TMEM108: variants seen among roughly 807,000 people sequenced by gnomAD.
The protein encoded by TMEM108 is cancer/testis antigen 124.
TMEM108 carries 12 observed loss-of-function variants against 35.1 expected under a neutral mutation model. The ratio of observed to expected loss-of-function variants is 0.34; its 90% CI spans 0.22 to 0.55. TMEM108 has a LOEUF of 0.55. Among genes scored for constraint, TMEM108 ranks in the 20% least tolerant of loss-of-function variants. The probability of loss-of-function intolerance (pLI) is 0.89; values close to 1 mark genes in which losing one functional copy is unlikely to be tolerated. For missense variants in TMEM108, 680 were observed against 753.3 expected, an observed-to-expected ratio of 0.90 and a Z score of 1.14; for synonymous variants, 287 against 308.6, an observed-to-expected ratio of 0.93 and a Z score of 0.73.
intron 3 of TMEM108, among the ~76,000 whole-genome samples, chr3:133,297,071 A>T (rs577120017): frequency 6.6e-6 from 1 of 152,344 alleles, no homozygotes; most frequent in Admixed American, 6.5e-5. Context: ...GAACAATATC[A>T]GGCTAACAGT....
chr3:133,159,146 C>T (rs1223223762), intron 2 of TMEM108, among the ~76,000 whole-genome samples: 1 of 152,190 alleles, frequency 6.6e-6, no homozygotes, highest in Non-Finnish European at 1.5e-5. Context: ...AGATCATCCT[C>T]TATGATTCCC....
At position 133,397,155 on chromosome 3, in the gene TMEM108, CAG is replaced by C. The variant is rs1342720113; in HGVS notation, c.*1173_*1174del. Reference sequence around the variant, plus strand: ...AGCACGGCCAACAACGTCAGACCCTCAGAGACGCCCAAGGGGCTTCCAGAGGT... The same window carrying C: ...AGCACGGCCAACAACGTCAGACCCTCAGACGCCCAAGGGGCTTCCAGAGGT... On this transcript the variant is annotated 3_prime_UTR_variant, in exon 6 of 6. Transcript: ENST00000321871. 1 of 152,200 alleles carries C rather than the reference CAG, an allele frequency of 6.6e-6. No homozygotes were observed. The highest frequency in any genetic ancestry group is 1.5e-5 in the Non-Finnish European group (1 of 68,040). The allele number at this position is 152,200 out of a possible 1,614,324, so 9.4% of individuals were successfully genotyped here. A position where few individuals can be genotyped will look rare whatever the true frequency, so the allele number is the denominator to read the frequency against.
chr3:133,264,619 A>T (rs1559886393), intron 3 of TMEM108, among the ~76,000 whole-genome samples: 2 of 152,222 alleles, frequency 1.3e-5, no homozygotes, highest in South Asian at 2.1e-4. Context: ...TCACACACAA[A>T]AAAAAGTAGT....
At chr3:133,276,936 G>A (rs1178640046) in intron 3 of TMEM108, among the ~76,000 whole-genome samples, 1 of 152,148 alleles carries the variant, frequency 6.6e-6, no homozygotes, top group Non-Finnish European at 1.5e-5. Flanking sequence ...ACTATGGAGA[G>A]GATGACATGA....
chr3:133,352,495 A>C (rs1450106149), intron 3 of TMEM108, among the ~76,000 whole-genome samples: 1 of 152,150 alleles, frequency 6.6e-6, no homozygotes, highest in Non-Finnish European at 1.5e-5. Context: ...GACTGCTCCC[A>C]CTTTAGATGC....
At chr3:133,269,664 T>A (rs1204013376) in intron 3 of TMEM108, among the ~76,000 whole-genome samples, 2 of 152,246 alleles carry the variant, frequency 1.3e-5, no homozygotes, top group African/African-American at 4.8e-5. Context: ...GCTCATTTAT[T>A]GAGTCAGTTT....
intron 2 of TMEM108, among the ~76,000 whole-genome samples, chr3:133,180,563 A>G (rs1945320482): frequency 6.6e-6 from 1 of 152,154 alleles, no homozygotes; most frequent in Non-Finnish European, 1.5e-5. Flanking sequence ...ATATGAGAGA[A>G]TCCACAAAAA....
At chr3:133,295,797 C>T (rs1270857976) in intron 3 of TMEM108, among the ~76,000 whole-genome samples, 2 of 152,020 alleles carry the variant, frequency 1.3e-5, no homozygotes, top group Non-Finnish European at 2.9e-5. Flanking sequence ...AATTACAGGC[C>T]AGAAGTTATG....
chr3:133,167,253 TACAATCCTCCAGCTAG>T (rs1404098306), intron 2 of TMEM108, among the ~76,000 whole-genome samples: 6 of 152,246 alleles, frequency 3.9e-5, no homozygotes, highest in East Asian at 1.9e-4. Context: ...TTGGTGCATA[TACAATCCTCCAGCTAG>T]ACAATCCTCC....
At chr3:133,106,175 GTTTTT>G (rs745343008) in intron 2 of TMEM108, among the ~76,000 whole-genome samples, 3 of 89,686 alleles carry the variant, frequency 3.3e-5, no homozygotes, top group Non-Finnish European at 4.3e-5. Context: ...GAGGTTAAAG[GTTTTT>G]TTTTTTTTTT....
intron 2 of TMEM108, among the ~76,000 whole-genome samples, chr3:133,191,857 T>C (rs1019732683): frequency 6.6e-6 from 1 of 152,116 alleles, no homozygotes; most frequent in Non-Finnish European, 1.5e-5. Flanking sequence ...CTGCTGTGAA[T>C]GAATCGATGG....
chr3:133,076,335 C>T (rs1016751587), intron 2 of TMEM108, among the ~76,000 whole-genome samples: 7 of 151,112 alleles, frequency 4.6e-5, no homozygotes, highest in Non-Finnish European at 8.8e-5. Context: ...GTCAAGGATG[C>T]CACTGCCTCA....
chr3:133,055,694 C>A (rs1176512208), intron 2 of TMEM108, among the ~76,000 whole-genome samples: 1 of 152,110 alleles, frequency 6.6e-6, no homozygotes, highest in Non-Finnish European at 1.5e-5. Context: ...TGAATCTTTG[C>A]CTTCACTTTT....
chr3:133,120,270 C>A (rs1944336349), intron 2 of TMEM108, among the ~76,000 whole-genome samples: 1 of 152,162 alleles, frequency 6.6e-6, no homozygotes, highest in Non-Finnish European at 1.5e-5. Context: ...AGGAACTCTG[C>A]AAGAAGATTG....
intron 3 of TMEM108, among the ~76,000 whole-genome samples, chr3:133,263,611 A>T (rs1168934957): frequency 1.3e-5 from 2 of 152,200 alleles, no homozygotes; most frequent in African/African-American, 2.4e-5. Flanking sequence ...TTTACCATTC[A>T]TGTCAACCCC....
At chr3:133,271,517 T>C (rs1197627518) in intron 3 of TMEM108, among the ~76,000 whole-genome samples, 1 of 152,208 alleles carries the variant, frequency 6.6e-6, no homozygotes, top group Non-Finnish European at 1.5e-5. Context: ...GTCAAGTCTC[T>C]GGAGAAAAAT....
At chr3:133,068,798 A>G (rs1377416086) in intron 2 of TMEM108, among the ~76,000 whole-genome samples, 2 of 152,180 alleles carry the variant, frequency 1.3e-5, no homozygotes, top group Admixed American at 1.3e-4. Context: ...GGTGAAGCAC[A>G]TAAGAAAACC....
chr3:133,131,935 T>C (rs531049800), intron 2 of TMEM108, among the ~76,000 whole-genome samples: 1 of 152,204 alleles, frequency 6.6e-6, no homozygotes, highest in South Asian at 2.1e-4. Context: ...AGATAATATA[T>C]AGAGAGAAGA....
intron 3 of TMEM108, chr3:133,248,210 T>A (rs1946414753): frequency 1.3e-5 from 2 of 152,120 alleles, no homozygotes; most frequent in African/African-American, 4.8e-5. Flanking sequence ...ACAAGCCTTT[T>A]GTACTTTATG....
Sources: allele counts gnomAD v4.1 joint callset (sites outside exome capture counted in the v4.1 genomes callset), GRCh38; gene constraint gnomAD v4.1.1; transcripts MANE v1.5; gene names NCBI Gene and HGNC (gene_info 2026-07-23, HGNC 2026-07-21).